SNX8: variants seen among roughly 807,000 people sequenced by gnomAD.
SNX8 encodes the protein sorting nexin-8.
In SNX8, 25 loss-of-function variants were observed where a neutral mutation model predicts 51.6. That is an observed-to-expected ratio of 0.48 (90% CI 0.35 to 0.68). SNX8 has a LOEUF of 0.68. Ranked by LOEUF, SNX8 falls within the 30% of genes least tolerant of loss-of-function variation. The pLI is 0.00. For synonymous variants in SNX8, 324 were observed against 277.0 expected (o/e 1.17, Z -1.68); for missense variants, 695 against 624.0 (o/e 1.11, Z -1.21).
intron 5 of SNX8, among the ~76,000 whole-genome samples, chr7:2,266,400 G>A (rs1795464872): frequency 6.6e-6 from 1 of 151,738 alleles, no homozygotes; most frequent in South Asian, 2.1e-4. Flanking sequence ...AGGCTGGAGT[G>A]CAGTGGCGCA....
At chr7:2,352,942 G>A (rs1458540975) in intron 1 of SNX8, among the ~76,000 whole-genome samples, 1 of 152,194 alleles carries the variant, frequency 6.6e-6, no homozygotes, top group East Asian at 1.9e-4. Flanking sequence ...ATGATGAGGA[G>A]TAGTCAAACC....
chr7:2,303,201 GC>G (rs1238086286), intron 1 of SNX8, among the ~76,000 whole-genome samples: 2 of 149,760 alleles, frequency 1.3e-5, no homozygotes, highest in African/African-American at 4.9e-5. Context: ...GAGCCCCTCT[GC>G]CCGGCCAGCC....
chr7:2,290,684 G>A (rs1185293788), intron 1 of SNX8, among the ~76,000 whole-genome samples: 1 of 152,174 alleles, frequency 6.6e-6, no homozygotes, highest in African/African-American at 2.4e-5. Flanking sequence ...CAGCACCTGT[G>A]AGGTCTCATG....
intron 5 of SNX8, among the ~76,000 whole-genome samples, chr7:2,266,179 T>G (rs1201818536): frequency 1.3e-5 from 2 of 152,088 alleles, no homozygotes; most frequent in Admixed American, 6.6e-5. Context: ...TTCTGGTTTT[T>G]TTGTTGTTGT....
intron 1 of SNX8, among the ~76,000 whole-genome samples, chr7:2,325,409 G>C (rs770010466): frequency 1.3e-5 from 2 of 152,174 alleles, no homozygotes; most frequent in Admixed American, 1.3e-4. Context: ...AGGACTTTTA[G>C]AAGGAAATGA....
At chr7:2,268,833 C>T (rs1795562612) in intron 5 of SNX8, among the ~76,000 whole-genome samples, 2 of 32,796 alleles carry the variant, frequency 6.1e-5, no homozygotes, top group Admixed American at 2.6e-4. Flanking sequence ...CCCGGCCAGC[C>T]GCCCCGTCCG....
chr7:2,346,691 A>T (rs1249542120), intron 1 of SNX8, among the ~76,000 whole-genome samples: 1 of 132,852 alleles, frequency 7.5e-6, no homozygotes, highest in Non-Finnish European at 1.5e-5. Context: ...GCTTGCAGTG[A>T]GCTGAGATTG....
upstream of SNX8, among the ~76,000 whole-genome samples, chr7:2,318,337 G>A (rs1342398216): frequency 6.6e-6 from 1 of 151,626 alleles, no homozygotes; most frequent in Non-Finnish European, 1.5e-5. Context: ...GATCACCTGA[G>A]GTCAGGAGTT....
At chr7:2,303,094 C>A (rs1314131959) in intron 1 of SNX8, among the ~76,000 whole-genome samples, 3 of 146,154 alleles carry the variant, frequency 2.1e-5, no homozygotes, top group Admixed American at 2.0e-4. Context: ...CCGCCCCGTC[C>A]GGGAGGGAGG....
At chr7:2,304,190 G>A (rs1796488378) in intron 1 of SNX8, among the ~76,000 whole-genome samples, 1 of 145,288 alleles carries the variant, frequency 6.9e-6, no homozygotes. Context: ...AAAGAGAGTT[G>A]GGGATCAGTG....
chr7:2,263,102 AG>A, intron 7 of SNX8, 127 bp downstream of exon 7: 1 of 1,154,144 alleles, frequency 8.7e-7, no homozygotes, highest in Non-Finnish European at 1.2e-6. Flanking sequence ...CTGGCAACAG[AG>A]GGAGACTCCT....
At chr7:2,328,241 A>G (rs1778663121) in intron 1 of SNX8, among the ~76,000 whole-genome samples, 2 of 151,984 alleles carry the variant, frequency 1.3e-5, no homozygotes, top group African/African-American at 2.4e-5. Flanking sequence ...TAGTAGAGAC[A>G]GGGGTTTCTC....
chr7:2,279,651 G>A (rs916587239), intron 1 of SNX8, among the ~76,000 whole-genome samples: 16 of 151,656 alleles, frequency 1.1e-4, no homozygotes, highest in Admixed American at 7.2e-4. Context: ...CCAGCTACTC[G>A]GGAGGTGAGA....
At chr7:2,339,163 C>T (rs1337731808) in intron 1 of SNX8, among the ~76,000 whole-genome samples, 1 of 152,132 alleles carries the variant, frequency 6.6e-6, no homozygotes, top group Non-Finnish European at 1.5e-5. Flanking sequence ...CTCAGCCTCC[C>T]AAAGTGCTGG....
chr7:2,314,992 T>TCACC (rs1180965237), upstream of SNX8, among the ~76,000 whole-genome samples: 1 of 145,538 alleles, frequency 6.9e-6, no homozygotes, highest in East Asian at 2.0e-4. Context: ...CTGCAATCAT[T>TCACC]CACCCACTCA....
chr7:2,301,145 G>T lies in SNX8; in HGVS notation c.94+13183C>A, dbSNP rs187089851. 3.3e-5 allele frequency among the ~76,000 whole-genome samples: 5 copies of T among 152,342 alleles called. 1 individual carries two copies. Among genetic ancestry groups the T allele is most frequent in the Admixed American group, 3.3e-4 (5 of 15,304 alleles). The stretch of plus-strand genomic sequence containing the variant: ...AGGGTGTTATTTATGAGAAAGGTCT[G>T]TGCAACTATCTCCCTCTAAGGAAAA... On this transcript the variant is annotated intron_variant, in intron 1 of 10. Transcript: ENST00000222990.
intron 1 of SNX8, among the ~76,000 whole-genome samples, chr7:2,309,459 C>T (rs1448441844): frequency 2.6e-5 from 4 of 151,792 alleles, no homozygotes; most frequent in Non-Finnish European, 4.4e-5. Context: ...CAGCCGGGCG[C>T]GGTGGCTCAC....
intron 1 of SNX8, among the ~76,000 whole-genome samples, chr7:2,337,535 A>G (rs1178364098): frequency 3.3e-5 from 5 of 152,180 alleles, no homozygotes; most frequent in Non-Finnish European, 1.5e-5. Flanking sequence ...AAAATCTCCA[A>G]TGTATTTGGA....
At chr7:2,302,134 G>A (rs1054483664) in intron 1 of SNX8, among the ~76,000 whole-genome samples, 2 of 151,956 alleles carry the variant, frequency 1.3e-5, no homozygotes. Context: ...CTCTTTCCAC[G>A]GTCTCCCTCT....
Sources: gnomAD v4.1 joint callset for allele counts (sites outside exome capture counted in the v4.1 genomes callset) on GRCh38, gnomAD v4.1.1 for gene constraint, MANE v1.5 for transcripts, NCBI Gene and HGNC (gene_info 2026-07-23, HGNC 2026-07-21) for gene names.